IL16: variants seen among roughly 807,000 people sequenced by gnomAD.
IL16 encodes the protein interleukin 16, also known as pro-interleukin-16.
A neutral mutation model predicts 110.1 loss-of-function variants in IL16; 67 were observed. The observed-to-expected ratio is 0.61, with a 90% CI of 0.50 to 0.75. The LOEUF is 0.75. Ranked by LOEUF, IL16 falls within the 30% of genes least tolerant of loss-of-function variation. The pLI is 0.00. For synonymous variants in IL16, 689 were observed against 662.9 expected, an observed-to-expected ratio of 1.04 and a Z score of -0.61; for missense variants, 1,545 against 1,655.0, an observed-to-expected ratio of 0.93 and a Z score of 1.15.
chr15:81,248,719 CT>C (rs61480285), intron 2 of IL16, among the ~76,000 whole-genome samples: 1,781 of 112,174 alleles, frequency 0.016, 9 homozygotes, highest in African/African-American at 0.047. Flanking sequence ...TTCTTTCTTT[CT>C]TTTTTTTTTT....
At chr15:81,299,184 T>C (rs1435827910) in intron 13 of IL16, 196 bp from the exon 14 acceptor site, 16 of 824,560 alleles carry the variant, frequency 1.9e-5, no homozygotes, top group Non-Finnish European at 2.7e-5. Context: ...TAACTCCTAC[T>C]TCTGGTCCTT....
intron 2 of IL16, among the ~76,000 whole-genome samples, chr15:81,239,869 G>C (rs1897290280): frequency 6.6e-6 from 1 of 152,154 alleles, no homozygotes; most frequent in South Asian, 2.1e-4. Flanking sequence ...GTAGATAGTA[G>C]ATAGAAAGAA....
chr15:81,271,258 A>G (rs903418482), intron 5 of IL16, among the ~76,000 whole-genome samples: 1 of 150,826 alleles, frequency 6.6e-6, no homozygotes, highest in African/African-American at 2.5e-5. Flanking sequence ...CTCTACAAAA[A>G]TAAATAAAAT....
At position 81,314,008 on chromosome 15, in the gene IL16, T is replaced by C. The variant is rs531335893; in HGVS notation, c.*5210T>C. The C allele has an allele frequency of 6.5e-4, 99 of 152,334 alleles. No individual in the cohort carries two copies. The highest frequency in any genetic ancestry group is 2.3e-3 in the African/African-American group (97 of 41,576). 9.4% of individuals were successfully genotyped at this position (152,334 alleles called of 1,614,324 possible). A position where few individuals can be genotyped will look rare whatever the true frequency, so the allele number is the denominator to read the frequency against. ...AACAATGCCACTCTTTTCACAGTAT[T>C]TTTTGTTTTAAAAAAATAGTTTTTT... On this transcript the variant is annotated 3_prime_UTR_variant, in exon 19 of 19. Coordinates refer to ENST00000683961, the MANE Select transcript of IL16 (RefSeq NM_172217.5).
chr15:81,196,046 T>C (rs141229027), upstream of IL16, among the ~76,000 whole-genome samples: 238 of 152,324 alleles, frequency 1.6e-3, no homozygotes, highest in Non-Finnish European at 2.7e-3. Flanking sequence ...GAAAACAGAG[T>C]GCCAGAGGTG....
In IL16 at chr15:81,268,128, C is replaced by T. The variant is rs192906698; in HGVS notation, c.565-1410C>T. On this transcript the variant is annotated intron_variant, in intron 4 of 18. Coordinates refer to ENST00000683961, the MANE Select transcript of IL16 (RefSeq NM_172217.5). ...AAGAGAAAGTGGGATCCACAGTGGA[C>T]GGGAAGGCCAGGGAGTGGCTTACAG... Among the ~76,000 whole-genome samples, 10 of 152,230 alleles carry T rather than the reference C, an allele frequency of 6.6e-5. No individual in the cohort carries two copies. The East Asian group carries it at 1.4e-3, about 21-fold the overall frequency.
At chr15:81,232,042 G>GTTTTTTTTCTTTT (rs1897009237) in intron 2 of IL16, among the ~76,000 whole-genome samples, 2 of 57,702 alleles carry the variant, frequency 3.5e-5, no homozygotes, top group Non-Finnish European at 6.7e-5. Flanking sequence ...ATTTGTTCTT[G>GTTTTTTTTCTTTT]TTTTTTTTTT....
rs1897210533 is a variant in IL16, at chr15:81,237,397, A to G, written c.312+11686A>G. Among the ~76,000 whole-genome samples, 5 of 152,230 alleles carry G rather than the reference A, an allele frequency of 3.3e-5. No homozygotes were observed. In the South Asian group the frequency reaches 1.0e-3, roughly 31 times the overall value. ...TAGAAGAATGTCTGAAAAAAGGTTT[A>G]AGGCTGCATGAGATTCTATACATCA... On this transcript the variant is annotated intron_variant, in intron 2 of 18. Transcript: ENST00000683961.
chr15:81,306,546 G>T lies in IL16; in HGVS notation c.3805+1G>T, dbSNP rs1372525102. The T allele has an allele frequency of 1.2e-6, 2 of 1,612,160 alleles. No individual in the cohort carries two copies. Among genetic ancestry groups the T allele is most frequent in the Non-Finnish European group, 8.5e-7 (1 of 1,180,026 alleles). On this transcript the variant is annotated splice_donor_variant, in intron 18 of 18. Coordinates refer to ENST00000683961, the MANE Select transcript of IL16 (RefSeq NM_172217.5). LOFTEE classifies it high-confidence loss of function. The stretch of plus-strand genomic sequence containing the variant: ...CTCACCATTAACAGGATTTTCAAAG[G>T]TGTGGGGTGTGTCTGGTTCTTTGCG...
intron 5 of IL16, among the ~76,000 whole-genome samples, chr15:81,271,310 A>C (rs572415472): frequency 1.3e-5 from 2 of 151,026 alleles, no homozygotes; most frequent in Admixed American, 1.3e-4. Flanking sequence ...TAAATAAATA[A>C]ATATATAAAA....
chr15:81,235,432 C>G (rs1897147769), intron 2 of IL16, among the ~76,000 whole-genome samples: 1 of 152,076 alleles, frequency 6.6e-6, no homozygotes, highest in South Asian at 2.1e-4. Flanking sequence ...TTTTTAACAA[C>G]CAGATCTCAT....
chr15:81,290,430 A>T (rs1899658261), intron 10 of IL16, 23 bp from the exon 11 acceptor site: 2 of 1,581,270 alleles, frequency 1.3e-6, no homozygotes, highest in South Asian at 2.3e-5. Flanking sequence ...TGTTTGTTTG[A>T]GGAGATGACT....
chr15:81,290,547 C>T lies in IL16; in HGVS notation c.1420+7C>T. The T allele has an allele frequency of 6.3e-7, 1 of 1,584,162 alleles. No homozygotes were observed. Among genetic ancestry groups the T allele is most frequent in the Non-Finnish European group, 8.7e-7 (1 of 1,154,766 alleles). On this transcript the variant is annotated splice_region_variant and intron_variant, in intron 11 of 18. Transcript: ENST00000683961. ...CATCAGTGGAGTCTGGAAGGTAAGA[C>T]AAATGGTGAACTTTGATGTAAAATA...
chr15:81,292,245 G>A (rs917011519), intron 11 of IL16: 68 of 418,824 alleles, frequency 1.6e-4, no homozygotes, highest in Non-Finnish European at 2.8e-4. Flanking sequence ...ACCCACAGCT[G>A]AAAGTAGTCT....
chr15:81,297,062 G>A lies in IL16; in HGVS notation c.2037G>A (p.Trp679Ter). The A allele has an allele frequency of 1.9e-6, 3 of 1,612,080 alleles. No homozygotes were observed. The highest frequency in any genetic ancestry group is 2.2e-5 in the South Asian group (2 of 90,816). The part of the protein sequence containing the change: ...TKSSTEGEPG[W>*]RRASPVTQTS... ...CCTCCACAGAGGGCGAGCCAGGGTG[G>A]AGAAGAGCCAGCCCAGGTAAGCTTT... The change falls in exon 13 of 19, where the codon TGG becomes TGA. Residue 679 changes from tryptophan (W) to a stop codon, truncating the protein, a stop_gained. Transcript: ENST00000683961. LOFTEE classifies it high-confidence loss of function.
At chr15:81,246,827 C>T (rs1897566842) in intron 2 of IL16, among the ~76,000 whole-genome samples, 2 of 152,146 alleles carry the variant, frequency 1.3e-5, no homozygotes, top group Admixed American at 1.3e-4. Flanking sequence ...CCAGTGTTTT[C>T]TTTGTGGAAA....
intron 2 of IL16, among the ~76,000 whole-genome samples, chr15:81,243,638 A>T (rs1263187946): frequency 2.6e-5 from 4 of 152,290 alleles, no homozygotes; most frequent in Non-Finnish European, 5.9e-5. Context: ...ATTTATGTTA[A>T]TTCTTTAAAT....
At position 81,253,270 on chromosome 15, in the gene IL16, T is replaced by C. The variant is rs114964108; in HGVS notation, c.313-6502T>C. ...GTGCTTCTAGTCTCTTGTATATCATTTGAAAAAATGTCTATTCACATTTTT... is the reference window on the plus strand; with the variant it reads ...GTGCTTCTAGTCTCTTGTATATCATCTGAAAAAATGTCTATTCACATTTTT... On this transcript the variant is annotated intron_variant, in intron 2 of 18. Transcript: ENST00000683961. Among the ~76,000 whole-genome samples, 858 of 152,310 alleles carry C rather than the reference T, an allele frequency of 5.6e-3. 8 individuals are homozygous for C. The highest frequency in any genetic ancestry group is 0.02 in the African/African-American group (822 of 41,562).
chr15:81,295,160 CCTTT>C (rs1284152783), intron 12 of IL16, among the ~76,000 whole-genome samples: 1 of 152,178 alleles, frequency 6.6e-6, no homozygotes, highest in Non-Finnish European at 1.5e-5. Context: ...TTCGAAGAAT[CCTTT>C]CTTAGAAAAC....
Sources: allele counts gnomAD v4.1 joint callset (sites outside exome capture counted in the v4.1 genomes callset), GRCh38; gene constraint gnomAD v4.1.1; transcripts MANE v1.5; gene names NCBI Gene and HGNC (gene_info 2026-07-23, HGNC 2026-07-21).